The following AP3B1 variants were observed in gnomAD, a reference collection of about 807,000 sequenced individuals.
The protein encoded by AP3B1 is AP-3 complex subunit beta-1.
Under a neutral mutation model 132.5 loss-of-function variants are expected in AP3B1, and 61 were observed. The observed-to-expected ratio is 0.46, with a 90% CI of 0.37 to 0.57. AP3B1 has a LOEUF of 0.57. Ranked by LOEUF, AP3B1 falls within the 20% of genes least tolerant of loss-of-function variation. AP3B1 has a pLI of 0.00. For synonymous variants in AP3B1, 388 were observed against 438.3 expected, an observed-to-expected ratio of 0.89 and a Z score of 1.43; for missense variants, 1,120 against 1,289.4, an observed-to-expected ratio of 0.87 and a Z score of 2.01.
intron 17 of AP3B1, among the ~76,000 whole-genome samples, chr5:78,117,171 C>T (rs891957075): frequency 7.1e-6 from 1 of 140,746 alleles, no homozygotes; most frequent in South Asian, 2.2e-4. Flanking sequence ...TTCCCCACCA[C>T]CTTTTTTTTT....
chr5:78,167,676 C>T (rs945137146), intron 11 of AP3B1, among the ~76,000 whole-genome samples: 3 of 151,656 alleles, frequency 2.0e-5, no homozygotes, highest in Non-Finnish European at 4.4e-5. Flanking sequence ...CCATGGAATA[C>T]TGCTCAGCTA....
At chr5:78,212,208 A>G (rs935601860) in intron 7 of AP3B1, among the ~76,000 whole-genome samples, 8 of 152,148 alleles carry the variant, frequency 5.3e-5, no homozygotes, top group Admixed American at 1.3e-4. Flanking sequence ...TCAACCCAGG[A>G]GGCAAGAGGT....
intron 3 of AP3B1, among the ~76,000 whole-genome samples, chr5:78,232,102 T>C (rs1746671976): frequency 6.6e-6 from 1 of 152,238 alleles, no homozygotes; most frequent in Non-Finnish European, 1.5e-5. Flanking sequence ...ACAATAAAGA[T>C]ATTTCACGAT....
intron 21 of AP3B1, among the ~76,000 whole-genome samples, chr5:78,095,533 GT>G (rs1580338779): frequency 6.6e-6 from 1 of 152,144 alleles, no homozygotes; most frequent in East Asian, 1.9e-4. Flanking sequence ...TCAGATCATG[GT>G]TCCTTCACAA....
intron 7 of AP3B1, among the ~76,000 whole-genome samples, chr5:78,193,344 A>G (rs1744919467): frequency 6.6e-6 from 1 of 152,136 alleles, no homozygotes; most frequent in South Asian, 2.1e-4. Flanking sequence ...CATGTTAACT[A>G]TATGATGAAA....
intron 24 of AP3B1, among the ~76,000 whole-genome samples, chr5:78,022,580 A>G (rs879099603): frequency 1.3e-5 from 2 of 152,142 alleles, no homozygotes; most frequent in Admixed American, 1.3e-4. Context: ...AAGTGTCCTG[A>G]TATGTGTGAT....
intron 22 of AP3B1, among the ~76,000 whole-genome samples, chr5:78,059,361 C>T (rs1748944896): frequency 6.6e-6 from 1 of 152,192 alleles, no homozygotes; most frequent in African/African-American, 2.4e-5. Context: ...AATAAATTTG[C>T]ACTGTTTTAA....
At chr5:78,100,422 T>G (rs1287753457) in intron 21 of AP3B1, among the ~76,000 whole-genome samples, 1 of 152,180 alleles carries the variant, frequency 6.6e-6, no homozygotes, top group Non-Finnish European at 1.5e-5. Flanking sequence ...AATATATTTG[T>G]AGGATTCTGA....
At chr5:78,254,522 C>T (rs1052581117) in intron 2 of AP3B1, among the ~76,000 whole-genome samples, 6 of 152,156 alleles carry the variant, frequency 3.9e-5, no homozygotes, top group African/African-American at 9.7e-5. Flanking sequence ...GTAGACTTTT[C>T]AGTGGAAACA....
chr5:78,159,742 G>A (rs142401438), intron 13 of AP3B1, among the ~76,000 whole-genome samples: 504 of 152,258 alleles, frequency 3.3e-3, no homozygotes, highest in Middle Eastern at 0.017. Flanking sequence ...TCTTTGGAAC[G>A]CAATAATTCT....
intron 21 of AP3B1, among the ~76,000 whole-genome samples, chr5:78,096,623 G>A (rs1189581917): frequency 6.8e-5 from 10 of 147,446 alleles, no homozygotes; most frequent in Admixed American, 1.3e-4. Flanking sequence ...TTGCCCCGCC[G>A]CCCCATCTGG....
At chr5:78,099,445 CAG>C (rs1236373832) in intron 21 of AP3B1, among the ~76,000 whole-genome samples, 2 of 152,096 alleles carry the variant, frequency 1.3e-5, no homozygotes, top group Non-Finnish European at 1.5e-5. Context: ...AACAAGAAGA[CAG>C]GGGTCAGATC....
intron 17 of AP3B1, among the ~76,000 whole-genome samples, chr5:78,122,293 G>C (rs921096544): frequency 6.6e-5 from 10 of 152,210 alleles, no homozygotes; most frequent in African/African-American, 1.7e-4. Flanking sequence ...GCACAAGACA[G>C]GGATGCCCTC....
chr5:78,032,545 C>T (rs1455138829), intron 24 of AP3B1, among the ~76,000 whole-genome samples: 2 of 152,134 alleles, frequency 1.3e-5, no homozygotes, highest in African/African-American at 4.8e-5. Flanking sequence ...ACAAGCATTA[C>T]TATGAAGCTA....
At chr5:78,168,750 A>G (rs564492498) in intron 11 of AP3B1, among the ~76,000 whole-genome samples, 50 of 152,266 alleles carry the variant, frequency 3.3e-4, no homozygotes, top group African/African-American at 1.1e-3. Context: ...CTTTCACACA[A>G]TTGTCACTAT....
chr5:78,143,025 T>C (rs867123452), intron 14 of AP3B1, among the ~76,000 whole-genome samples: 2 of 152,186 alleles, frequency 1.3e-5, no homozygotes, highest in Non-Finnish European at 2.9e-5. Context: ...CCTGCCATAA[T>C]GAAAGGTAGT....
chr5:78,294,601 G>A lies in AP3B1; in HGVS notation c.-22C>T, dbSNP rs747976814. The A allele has an allele frequency of 3.7e-6, 6 of 1,613,592 alleles. No individual in the cohort carries two copies. The highest frequency in any genetic ancestry group is 1.7e-5 in the Admixed American group (1 of 60,006). ...ACATTGCCGCGGTGCTGGCGGGTGC[G>A]GGGTTGGTCCTGCCGGGGGTTCTCT... On this transcript the variant is annotated 5_prime_UTR_variant, in exon 1 of 27. Coordinates refer to ENST00000255194, the MANE Select transcript of AP3B1 (RefSeq NM_003664.5).
intron 17 of AP3B1, among the ~76,000 whole-genome samples, chr5:78,117,675 G>C (rs1201928256): frequency 6.6e-6 from 1 of 152,136 alleles, no homozygotes; most frequent in African/African-American, 2.4e-5. Flanking sequence ...GCCTCTTAAA[G>C]ACTTCAATAT....
intron 23 of AP3B1, among the ~76,000 whole-genome samples, chr5:78,036,712 A>T (rs1029222613): frequency 6.6e-6 from 1 of 152,188 alleles, no homozygotes; most frequent in Non-Finnish European, 1.5e-5. Flanking sequence ...GTCATTGCAC[A>T]TTACAGACAA....
Sources: allele counts gnomAD v4.1 joint callset (sites outside exome capture counted in the v4.1 genomes callset), GRCh38; gene constraint gnomAD v4.1.1; transcripts MANE v1.5; gene names NCBI Gene and HGNC (gene_info 2026-07-23, HGNC 2026-07-21).